PLPP1: variants seen among roughly 807,000 people sequenced by gnomAD.
PLPP1 encodes the protein phospholipid phosphatase 1, also known as lipid phosphate phosphohydrolase 1a.
A neutral mutation model predicts 31.2 loss-of-function variants in PLPP1; 24 were observed. The observed-to-expected ratio is 0.77, with a 90% CI of 0.56 to 1.08. The LOEUF is 1.08. Among genes scored for constraint, PLPP1 ranks in the 50% least tolerant of loss-of-function variants. The pLI is 0.00. For synonymous variants in PLPP1, 146 were observed against 126.3 expected (o/e 1.16, Z -1.05); for missense variants, 319 against 342.7 (o/e 0.93, Z 0.55).
intron 2 of PLPP1, among the ~76,000 whole-genome samples, chr5:55,473,834 C>T (rs1286348001): frequency 2.0e-5 from 3 of 149,990 alleles, no homozygotes; most frequent in East Asian, 3.9e-4. Context: ...TTTTTTTTTG[C>T]GAGGAGGGGG....
chr5:55,477,087 T>TACTG (rs1752567056), intron 1 of PLPP1, among the ~76,000 whole-genome samples: 2 of 151,878 alleles, frequency 1.3e-5, no homozygotes, highest in Admixed American at 6.6e-5. Context: ...CTGACACTTA[T>TACTG]ACTGGCCTTC....
chr5:55,530,409 C>T, intron 1 of PLPP1: 5 of 1,264,136 alleles, frequency 4.0e-6, no homozygotes, highest in Non-Finnish European at 5.8e-6. Context: ...TGATTCTTGA[C>T]ACAGGGGACA....
At chr5:55,513,527 C>T (rs1456640736) in intron 1 of PLPP1, among the ~76,000 whole-genome samples, 1 of 152,128 alleles carries the variant, frequency 6.6e-6, no homozygotes, top group Non-Finnish European at 1.5e-5. Flanking sequence ...CCGCCTTGGC[C>T]TCCCAAAGTG....
intron 2 of PLPP1, among the ~76,000 whole-genome samples, chr5:55,471,872 A>G: frequency 6.6e-6 from 1 of 152,202 alleles, no homozygotes; most frequent in Non-Finnish European, 1.5e-5. Flanking sequence ...TAATCCCAGC[A>G]CTTTGGGATG....
At chr5:55,515,953 A>G in intron 1 of PLPP1, among the ~76,000 whole-genome samples, 1 of 152,036 alleles carries the variant, frequency 6.6e-6, no homozygotes, top group Non-Finnish European at 1.5e-5. Flanking sequence ...CCACTTAAAT[A>G]TTTCAAAAAC....
intron 3 of PLPP1, among the ~76,000 whole-genome samples, chr5:55,457,808 G>C (rs1433949056): frequency 6.6e-6 from 1 of 150,866 alleles, no homozygotes; most frequent in Non-Finnish European, 1.5e-5. Context: ...AGAATCGCTT[G>C]AACCCGGGAG....
chr5:55,488,666 C>A (rs1752824217), intron 1 of PLPP1, among the ~76,000 whole-genome samples: 1 of 151,770 alleles, frequency 6.6e-6, no homozygotes, highest in Non-Finnish European at 1.5e-5. Context: ...AAATAAAAAA[C>A]AAACAAACAA....
In PLPP1 at chr5:55,425,277, CCTCTT is replaced by C; in HGVS notation, c.779_783del (p.Lys260ArgfsTer9). The C allele has an allele frequency of 6.2e-7, 1 of 1,612,044 alleles. No homozygotes were observed. Among genetic ancestry groups the C allele is most frequent in the Non-Finnish European group, 8.5e-7 (1 of 1,178,324 alleles). ...TCATGCAGAGTTGTATGAGAGTCCT[CCTCTT>C]TTCTTTCTTTAAAAGAAGTTCTTTC... On this transcript the variant is annotated frameshift_variant, in exon 6 of 6. Transcript: ENST00000307259. LOFTEE classifies it high-confidence loss of function.
chr5:55,447,067 G>A (rs1260230236), intron 3 of PLPP1, among the ~76,000 whole-genome samples: 1 of 152,170 alleles, frequency 6.6e-6, no homozygotes, highest in Non-Finnish European at 1.5e-5. Context: ...GTTTCAAGAT[G>A]TGTATATATA....
chr5:55,514,266 T>C (rs997268761), intron 1 of PLPP1, among the ~76,000 whole-genome samples: 2 of 151,792 alleles, frequency 1.3e-5, no homozygotes, highest in Admixed American at 6.6e-5. Context: ...GCACCTGTAA[T>C]CCCAGCTACT....
chr5:55,431,149 T>C (rs1751338712), intron 4 of PLPP1, among the ~76,000 whole-genome samples: 1 of 152,144 alleles, frequency 6.6e-6, no homozygotes, highest in African/African-American at 2.4e-5. Context: ...TTTGATTAAG[T>C]AATACCCGAA....
intron 2 of PLPP1, among the ~76,000 whole-genome samples, chr5:55,469,033 G>A (rs1368350169): frequency 6.6e-6 from 1 of 152,126 alleles, no homozygotes; most frequent in East Asian, 1.9e-4. Flanking sequence ...GGGTGGGACA[G>A]GATTTTTAGT....
At chr5:55,490,355 G>C (rs541195331) in intron 1 of PLPP1, among the ~76,000 whole-genome samples, 46 of 151,850 alleles carry the variant, frequency 3.0e-4, no homozygotes, top group Admixed American at 5.9e-4. Context: ...TCTCCATGTT[G>C]GTCAGGCTGG....
chr5:55,444,252 T>C (rs1474427918), intron 3 of PLPP1, among the ~76,000 whole-genome samples: 2 of 152,198 alleles, frequency 1.3e-5, no homozygotes, highest in African/African-American at 4.8e-5. Context: ...AGCTAATGTT[T>C]GTATTTTTAG....
Position 55,425,110 on chromosome 5 carries a change from G to C in PLPP1, c.*96C>G, listed in dbSNP as rs537081151. On this transcript the variant is annotated 3_prime_UTR_variant, in exon 6 of 6. Coordinates refer to ENST00000307259, the MANE Select transcript of PLPP1 (RefSeq NM_003711.4). ...ATAGCAGCAGCAGAAGTCTTTAAAG[G>C]CTTGTACACCAGGAAGAAAGATGCA... The C allele has an allele frequency of 1.9e-4, 274 of 1,459,254 alleles. 2 individuals are homozygous for C. In the South Asian group the frequency reaches 3.3e-3, roughly 18 times the overall value. 90.4% of individuals were successfully genotyped at this position (1,459,254 alleles called of 1,614,324 possible).
chr5:55,495,323 A>C (rs1043897815), intron 1 of PLPP1, among the ~76,000 whole-genome samples: 1 of 152,170 alleles, frequency 6.6e-6, no homozygotes, highest in Non-Finnish European at 1.5e-5. Flanking sequence ...TAATATCCAC[A>C]GAGAAAACAT....
intron 1 of PLPP1, chr5:55,530,130 CA>C (rs1319050376): frequency 1.1e-5 from 13 of 1,170,938 alleles, no homozygotes; most frequent in Admixed American, 1.7e-5. Flanking sequence ...CTTGCAGGTA[CA>C]AAGATGCAGA....
chr5:55,436,852 A>G (rs1751503770), intron 4 of PLPP1, among the ~76,000 whole-genome samples: 1 of 152,174 alleles, frequency 6.6e-6, no homozygotes, highest in Non-Finnish European at 1.5e-5. Flanking sequence ...TGTTACCCCA[A>G]AATTTGTATA....
At chr5:55,442,651 C>CAAAAA (rs35404645) in intron 3 of PLPP1, among the ~76,000 whole-genome samples, 1 of 145,168 alleles carries the variant, frequency 6.9e-6, no homozygotes, top group South Asian at 2.2e-4. Flanking sequence ...GACGCCATCT[C>CAAAAA]AAAAAAAAAA....
Sources: allele counts gnomAD v4.1 joint callset (sites outside exome capture counted in the v4.1 genomes callset), GRCh38; gene constraint gnomAD v4.1.1; transcripts MANE v1.5; gene names NCBI Gene and HGNC (gene_info 2026-07-23, HGNC 2026-07-21).